PHKG2: variants seen among roughly 807,000 people sequenced by gnomAD.
PHKG2 encodes phosphorylase b kinase gamma catalytic chain, liver/testis isoform.
PHKG2 carries 28 observed loss-of-function variants against 44.5 expected under a neutral mutation model. The ratio of observed to expected loss-of-function variants is 0.63; its 90% confidence interval spans 0.47 to 0.86. The LOEUF (loss-of-function observed/expected upper bound fraction) is 0.86. Ranked by LOEUF, PHKG2 falls within the 40% of genes least tolerant of loss-of-function variation. PHKG2 has a pLI of 0.00. For synonymous variants in PHKG2, 220 were observed against 211.2 expected, an observed-to-expected ratio of 1.04 and a Z score of -0.36; for missense variants, 498 against 547.5, an observed-to-expected ratio of 0.91 and a Z score of 0.90.
chr16:30,749,334 A>G (rs1421637150), intron 2 of PHKG2, among the ~76,000 whole-genome samples: 1 of 151,356 alleles, frequency 6.6e-6, no homozygotes, highest in African/African-American at 2.4e-5. Context: ...AAGACTGGAT[A>G]GTTGGTTTTG....
At position 30,760,184 on chromosome 16, in the gene PHKG2, T is replaced by A. The variant is rs779095608; in HGVS notation, c.*3087T>A. On this transcript the variant is annotated 3_prime_UTR_variant, in exon 10 of 10. Transcript: ENST00000563588. ...GATGATGCTACTAATAATGACATAT[T>A]CCAGGCAGAAATCCCCTGCTTCTGC... The A allele has an allele frequency of 1.5e-5, 24 of 1,605,340 alleles. No homozygotes were observed. The highest frequency in any genetic ancestry group is 1.9e-5 in the Non-Finnish European group (22 of 1,179,302).
intron 4 of PHKG2, 157 bp downstream of exon 4, chr16:30,751,760 G>A (rs557765498): frequency 2.2e-5 from 17 of 782,106 alleles, no homozygotes; most frequent in Middle Eastern, 2.3e-4. Flanking sequence ...GCATGGCTCT[G>A]GCCTTCTCCC....
At position 30,757,731 on chromosome 16, in the gene PHKG2, A is replaced by C. The variant is rs1567266052; in HGVS notation, c.*634A>C. The C allele has an allele frequency of 6.6e-7, 1 of 1,507,366 alleles. No individual in the cohort carries two copies. The highest frequency in any genetic ancestry group is 8.8e-7 in the Non-Finnish European group (1 of 1,131,064). The allele number at this position is 1,507,366 out of a possible 1,614,324, so 93.4% of individuals were successfully genotyped here. On this transcript the variant is annotated 3_prime_UTR_variant, in exon 10 of 10. Coordinates refer to ENST00000563588, the MANE Select transcript of PHKG2 (RefSeq NM_000294.3). ...TGGGGGGATGGTCCCTAGTTGGGCA[A>C]ACAGTCCCCAAATTTCCCCTGGTGG...
chr16:30,759,317 C>T lies in PHKG2; in HGVS notation c.*2220C>T. On this transcript the variant is annotated 3_prime_UTR_variant, in exon 10 of 10. Coordinates refer to ENST00000563588, the MANE Select transcript of PHKG2 (RefSeq NM_000294.3). ...TGAGGGGAGGGGCGGTTGAGGGTGG[C>T]TCCTCATGGTCCACCACCCCCTACC... 6.2e-7 allele frequency: 1 copy of T among 1,612,340 alleles called. No homozygotes were observed. Among genetic ancestry groups the T allele is most frequent in the Non-Finnish European group, 8.5e-7 (1 of 1,178,672 alleles).
Position 30,757,628 on chromosome 16 carries a change from T to C in PHKG2, c.*531T>C. On this transcript the variant is annotated 3_prime_UTR_variant, in exon 10 of 10. Transcript: ENST00000563588. Reference sequence around the variant, plus strand: ...AGCTCTTTGTTCACTTGGGTCTTGATGTAGGCTCGGAGGACGTGGATGTGG... The same window carrying C: ...AGCTCTTTGTTCACTTGGGTCTTGACGTAGGCTCGGAGGACGTGGATGTGG... 2 of 1,613,902 alleles carry C rather than the reference T, an allele frequency of 1.2e-6. No individual in the cohort carries two copies. The highest frequency in any genetic ancestry group is 1.7e-6 in the Non-Finnish European group (2 of 1,179,838).
In PHKG2 at chr16:30,760,529, A is replaced by C. The variant is rs986862898; in HGVS notation, c.*3432A>C. On this transcript the variant is annotated 3_prime_UTR_variant, in exon 10 of 10. Transcript: ENST00000563588. ...TACACCCACCACATGCTTTGGAGTC[A>C]GCCATTCCTCATGTTTTCCCAACCT... 4.9e-5 allele frequency: 79 copies of C among 1,606,952 alleles called. No individual in the cohort carries two copies. Among genetic ancestry groups the C allele is most frequent in the Admixed American group, 1.2e-4 (7 of 58,854 alleles).
Position 30,757,109 on chromosome 16 carries a change from C to T in PHKG2, c.*12C>T, listed in dbSNP as rs747457838. 3.7e-6 allele frequency: 6 copies of T among 1,612,704 alleles called. No individual in the cohort carries two copies. Among genetic ancestry groups the T allele is most frequent in the Non-Finnish European group, 4.2e-6 (5 of 1,180,014 alleles). ...TTGTGCTGGGCTAGGACCTCAACCC[C>T]AGGGATTCCCAGGAAGCAGAACTCT... On this transcript the variant is annotated 3_prime_UTR_variant, in exon 10 of 10. Coordinates refer to ENST00000563588, the MANE Select transcript of PHKG2 (RefSeq NM_000294.3).
intron 1 of PHKG2, 42 bp from the exon 2 acceptor site, chr16:30,748,761 C>A: frequency 7.6e-7 from 1 of 1,315,842 alleles, no homozygotes; most frequent in Non-Finnish European, 1.1e-6. Flanking sequence ...GTCTCAGAGC[C>A]TGTGGGCCTC....
intron 3 of PHKG2, 125 bp downstream of exon 3, chr16:30,751,406 C>T: frequency 2.3e-6 from 3 of 1,314,040 alleles, no homozygotes; most frequent in South Asian, 1.2e-5. Context: ...AAAGAGTGGC[C>T]ATCCGTTGGG....
intron 3 of PHKG2, 124 bp from the exon 4 acceptor site, chr16:30,751,425 G>A: frequency 7.8e-7 from 1 of 1,275,714 alleles, no homozygotes; most frequent in Non-Finnish European, 1.1e-6. Flanking sequence ...GGCGCCCACT[G>A]CCTCCTCTGG....
rs1486041167 is a variant in PHKG2, at chr16:30,756,401, G to T, written c.682G>T (p.Ala228Ser). 2.5e-6 allele frequency: 4 copies of T among 1,614,000 alleles called. No individual in the cohort carries two copies. Among genetic ancestry groups the T allele is most frequent in the Non-Finnish European group, 3.4e-6 (4 of 1,180,020 alleles). Residue 228 changes from alanine to serine, a missense_variant, in exon 8 of 10, where the codon GCT (alanine) becomes TCT (serine). By Grantham distance (99) the Ala-to-Ser change is moderately conservative. Coordinates refer to ENST00000563588, the MANE Select transcript of PHKG2 (RefSeq NM_000294.3). ...TGGGGTGATCTTGTTCACACTCCTG[G>T]CTGGCTCGCCACCCTTCTGGCACCG... ...ACGVILFTLL[A>S]GSPPFWHRRQ...
chr16:30,752,382 ACTCTAT>A (rs2053363292), intron 4 of PHKG2: 1 of 148,966 alleles, frequency 6.7e-6, no homozygotes, highest in Non-Finnish European at 1.5e-5. Context: ...ACAGAGCGAG[ACTCTAT>A]CTCCAAAAAA....
Position 30,760,413 on chromosome 16 carries a change from T to C in PHKG2, c.*3316T>C. 1 of 1,614,172 alleles carries C rather than the reference T, an allele frequency of 6.2e-7. No individual in the cohort carries two copies. The stretch of plus-strand genomic sequence containing the variant: ...TCCAGGGTGATGGCGTCCCTCAGGC[T>C]CTGCTCAGGACACCCTAGCTCCAGC... On this transcript the variant is annotated 3_prime_UTR_variant, in exon 10 of 10. Coordinates refer to ENST00000563588, the MANE Select transcript of PHKG2 (RefSeq NM_000294.3).
intron 2 of PHKG2, among the ~76,000 whole-genome samples, chr16:30,749,472 C>T (rs1274703462): frequency 3.9e-5 from 6 of 152,216 alleles, no homozygotes; most frequent in South Asian, 2.1e-4. Context: ...CTCAGCCTCC[C>T]GAGTAGCTGG....
chr16:30,756,547 G>T (rs930065932), intron 8 of PHKG2, 27 bp downstream of exon 8: 10 of 1,612,856 alleles, frequency 6.2e-6, no homozygotes, highest in Non-Finnish European at 8.5e-6. Flanking sequence ...AGGACAGTAG[G>T]GGAGGCCCAA....
rs56207641 is a variant in PHKG2, at chr16:30,751,184, A to T, written c.174A>T (p.Thr58=). ...HEFAVKIMEV[T]AERLSPEQLE... ...TTGCGGTGAAGATTATGGAAGTGAC[A>T]GCTGAGCGGCTGAGTCCTGAGCAGC... Residue 58 remains threonine, a synonymous_variant, in exon 3 of 10, where the codon ACA becomes ACT. Coordinates refer to ENST00000563588, the MANE Select transcript of PHKG2 (RefSeq NM_000294.3). 4.6e-4 allele frequency: 738 copies of T among 1,613,966 alleles called. 5 individuals are homozygous for T. The East Asian group carries it at 0.013, about 29-fold the overall frequency.
Position 30,756,586 on chromosome 16 carries a change from C to T in PHKG2, c.802-4C>T, listed in dbSNP as rs1306357699. 2 of 1,613,762 alleles carry T rather than the reference C, an allele frequency of 1.2e-6. No homozygotes were observed. Among genetic ancestry groups the T allele is most frequent in the South Asian group, 2.2e-5 (2 of 91,080 alleles). ...CTGCCCCTCATGCTCTGGGTCTCTC[C>T]TAGATCTCCAGGCTGCTGCAGGTGG... On this transcript the variant is annotated splice_region_variant and splice_polypyrimidine_tract_variant and intron_variant, in intron 8 of 9. Transcript: ENST00000563588.
chr16:30,748,666 G>C (rs1317414282), intron 1 of PHKG2, 137 bp from the exon 2 acceptor site: 3 of 474,416 alleles, frequency 6.3e-6, no homozygotes, highest in African/African-American at 4.0e-5. Context: ...CCCCAGTCCG[G>C]GTCCTTCCCC....
Position 30,756,581 on chromosome 16 carries a change from C to G in PHKG2, c.802-9C>G. On this transcript the variant is annotated splice_polypyrimidine_tract_variant and intron_variant, in intron 8 of 9. Coordinates refer to ENST00000563588, the MANE Select transcript of PHKG2 (RefSeq NM_000294.3). ...AAGAGCTGCCCCTCATGCTCTGGGT[C>G]TCTCCTAGATCTCCAGGCTGCTGCA... is the stretch of plus-strand genomic sequence containing the variant. The G allele has an allele frequency of 1.9e-6, 3 of 1,613,656 alleles. No individual in the cohort carries two copies. The highest frequency in any genetic ancestry group is 2.5e-6 in the Non-Finnish European group (3 of 1,180,010).
Sources: allele counts gnomAD v4.1 joint callset (sites outside exome capture counted in the v4.1 genomes callset), GRCh38; gene constraint gnomAD v4.1.1; transcripts MANE v1.5; gene names NCBI Gene and HGNC (gene_info 2026-07-23, HGNC 2026-07-21).